The following SHPRH variants were observed in gnomAD, a reference collection of about 807,000 sequenced individuals.
SHPRH encodes the protein E3 ubiquitin-protein ligase SHPRH.
A neutral mutation model predicts 202.5 loss-of-function variants in SHPRH; 106 were observed. The observed-to-expected ratio is 0.52, with a 90% confidence interval of 0.45 to 0.62. SHPRH has a LOEUF of 0.62. Ranked by LOEUF, SHPRH falls within the 20% of genes least tolerant of loss-of-function variation. The pLI is 0.00. For missense variants in SHPRH, 1,710 were observed against 2,020.0 expected (o/e 0.85, Z 2.94); for synonymous variants, 729 against 686.0 (o/e 1.06, Z -0.98).
At chr6:145,892,033 C>T (rs1781610834) in intron 28 of SHPRH, among the ~76,000 whole-genome samples, 2 of 152,116 alleles carry the variant, frequency 1.3e-5, no homozygotes, top group Admixed American at 6.6e-5. Flanking sequence ...GTTTAATAAA[C>T]ATGTCTCTTT....
chr6:145,950,543 T>G, intron 3 of SHPRH, 61 bp from the exon 4 acceptor site: 1 of 1,505,334 alleles, frequency 6.6e-7, no homozygotes. Flanking sequence ...TATAAGCAAT[T>G]CTTATTCTAA....
chr6:145,870,814 G>C lies in SHPRH; in HGVS notation c.222-6323C>G, dbSNP rs1231187698. The C allele has an allele frequency of 2.9e-4, 44 of 152,164 alleles. 1 individual carries two copies. The highest frequency in any genetic ancestry group is 2.9e-3 in the Admixed American group (44 of 15,278). 9.4% of individuals were successfully genotyped at this position (152,164 alleles called of 1,614,324 possible). ...TTGTAGATATCCTTTATCAGGTTGA[G>C]GAAGTTCCTCTTTATTTGTAATTTA... On this transcript the variant is annotated intron_variant, in intron 2 of 2. Transcript: ENST00000417762.
Position 145,885,176 on chromosome 6 carries a change from A to T in SHPRH, c.*1515T>A, listed in dbSNP as rs1780890201. On this transcript the variant is annotated 3_prime_UTR_variant, in exon 30 of 30. Coordinates refer to ENST00000275233, the MANE Select transcript of SHPRH (RefSeq NM_001042683.3). ...GTTCTCTACCTTTAAAACAGTAAAGATATTAATTATATCAACTTCACAAGA... is the reference window on the plus strand; with the variant it reads ...GTTCTCTACCTTTAAAACAGTAAAGTTATTAATTATATCAACTTCACAAGA... The T allele has an allele frequency of 6.6e-6, 1 of 152,222 alleles. No homozygotes were observed. The highest frequency in any genetic ancestry group is 1.5e-5 in the Non-Finnish European group (1 of 68,028). 9.4% of individuals were successfully genotyped at this position (152,222 alleles called of 1,614,324 possible).
At chr6:145,894,839 G>GA (rs777042834) in intron 26 of SHPRH, 46 bp downstream of exon 26, 2 of 1,565,650 alleles carry the variant, frequency 1.3e-6, no homozygotes, top group Non-Finnish European at 8.8e-7. Context: ...ATTAGAGAGG[G>GA]AAAATCAGTT....
At chr6:145,946,403 T>C (rs771994522) in intron 6 of SHPRH, 62 bp from the exon 7 acceptor site, 3 of 1,321,058 alleles carry the variant, frequency 2.3e-6, no homozygotes, top group African/African-American at 3.0e-5. Flanking sequence ...GAATTGCTTA[T>C]TGAAATTAAC....
Position 145,947,547 on chromosome 6 carries a change from C to T in SHPRH, c.1158G>A (p.Leu386=), listed in dbSNP as rs1787522509. The T allele has an allele frequency of 6.2e-7, 1 of 1,612,878 alleles. No individual in the cohort carries two copies. The highest frequency in any genetic ancestry group is 8.5e-7 in the Non-Finnish European group (1 of 1,179,334). The change falls in exon 6 of 30, where the codon CTG becomes CTA. Residue 386 remains leucine, a synonymous_variant. Coordinates refer to ENST00000275233, the MANE Select transcript of SHPRH (RefSeq NM_001042683.3). ...GLGKTVEVLA[L]ILTHTRQDVK... The stretch of plus-strand genomic sequence containing the variant: ...CATCTTGTCGAGTATGTGTCAGAAT[C>T]AGAGCCAAAACCTCCACTGTCTTTC...
At chr6:145,891,520 C>T (rs1264572510) in intron 28 of SHPRH, among the ~76,000 whole-genome samples, 1 of 152,084 alleles carries the variant, frequency 6.6e-6, no homozygotes, top group Non-Finnish European at 1.5e-5. Context: ...GTCTACCAAC[C>T]CCATTACAGC....
chr6:145,869,207 T>C, intron 2 of SHPRH, among the ~76,000 whole-genome samples: 1 of 152,216 alleles, frequency 6.6e-6, no homozygotes, highest in South Asian at 2.1e-4. Context: ...TATTTTCTTA[T>C]TGTTGAGCTT....
chr6:145,913,542 TCTTGAG>T lies in SHPRH; in HGVS notation c.4256_4261del (p.Ser1419_Asp1421delinsTyr). 6.2e-7 allele frequency: 1 copy of T among 1,606,996 alleles called. No individual in the cohort carries two copies. ...TGGATTAACACCTCCCGATGTTTTA[TCTTGAG>T]ACTATCCAAAAAAGAATTAAAAAAT... On this transcript the variant is annotated inframe_deletion and splice_region_variant, in exon 24 of 30. Coordinates refer to ENST00000275233, the MANE Select transcript of SHPRH (RefSeq NM_001042683.3).
rs760189924 is a variant in SHPRH at position 145,916,231 on chromosome 6, CCTTT to C, written c.4254+1896_4254+1899del. Among the ~76,000 whole-genome samples, 7 of 152,174 alleles carry C rather than the reference CCTTT, an allele frequency of 4.6e-5. No individual in the cohort carries two copies. In the East Asian group the frequency reaches 1.4e-3, roughly 29 times the overall value. ...TCTTATGTTGTCCAGTTTTCCTTTT[CCTTT>C]CTTTCACATACAGGTTGAGCATTCC... On this transcript the variant is annotated intron_variant, in intron 23 of 29. Coordinates refer to ENST00000275233, the MANE Select transcript of SHPRH (RefSeq NM_001042683.3).
At position 145,893,392 on chromosome 6, in the gene SHPRH, T is replaced by C. The variant is rs775455809; in HGVS notation, c.4697A>G (p.Glu1566Gly). ...ATCACGTTTAAATGCTGAAAGGTTC[T>C]CCTAAAAAAGAAAGGTACATTTTAA... is the stretch of plus-strand genomic sequence containing the variant. ...AQISRVKTFQ[E>G]NLSAFKRDPQ... The change falls in exon 28 of 30, where the codon GAG becomes GGG. Residue 1566 changes from glutamate (E) to glycine (G), a missense_variant and splice_region_variant. Transcript: ENST00000275233. 6.3e-7 allele frequency: 1 copy of C among 1,579,692 alleles called. No individual in the cohort carries two copies. The highest frequency in any genetic ancestry group is 1.2e-5 in the South Asian group (1 of 85,432).
downstream of SHPRH, chr6:145,883,293 A>G (rs1188121878): frequency 2.0e-5 from 3 of 152,252 alleles, no homozygotes; most frequent in Non-Finnish European, 4.4e-5. Context: ...CTGACATTAA[A>G]TGATGAAGAT....
At chr6:145,934,841 C>A (rs953115579) in intron 13 of SHPRH, 66 bp downstream of exon 13, 34 of 1,453,378 alleles carry the variant, frequency 2.3e-5, no homozygotes, top group Non-Finnish European at 3.1e-5. Context: ...TGAATGAAAC[C>A]GTGGGCCTGA....
intron 23 of SHPRH, among the ~76,000 whole-genome samples, chr6:145,914,608 T>C (rs1783788746): frequency 6.6e-6 from 1 of 152,158 alleles, no homozygotes; most frequent in African/African-American, 2.4e-5. Context: ...TGCATGGTAA[T>C]TTGCAGATCC....
intron 1 of SHPRH, among the ~76,000 whole-genome samples, chr6:145,963,363 T>C (rs1182206900): frequency 6.6e-6 from 1 of 152,200 alleles, no homozygotes; most frequent in Non-Finnish European, 1.5e-5. Flanking sequence ...TTCCTTAAGT[T>C]CCTTAAGTAC....
chr6:145,874,607 CAT>C (rs147397070), intron 2 of SHPRH, among the ~76,000 whole-genome samples: 4,982 of 152,254 alleles, frequency 0.033, 180 homozygotes, highest in East Asian at 0.17. Flanking sequence ...TCCATCACCT[CAT>C]AGTTATCCAT....
At chr6:145,947,783 T>G in intron 5 of SHPRH, 140 bp from the exon 6 acceptor site, 1 of 1,122,748 alleles carries the variant, frequency 8.9e-7, no homozygotes, top group Non-Finnish European at 1.2e-6. Flanking sequence ...GCAAAACAAT[T>G]CAAACCTTAG....
intron 28 of SHPRH, among the ~76,000 whole-genome samples, 161 bp from the exon 29 acceptor site, chr6:145,888,261 C>T (rs1781268342): frequency 6.6e-6 from 1 of 152,114 alleles, no homozygotes; most frequent in Non-Finnish European, 1.5e-5. Flanking sequence ...ATTTAATCTC[C>T]ATGAGCTGAC....
intron 2 of SHPRH, among the ~76,000 whole-genome samples, chr6:145,874,230 T>TAAC (rs1333984492): frequency 6.7e-6 from 1 of 150,324 alleles, no homozygotes; most frequent in Non-Finnish European, 1.5e-5. Flanking sequence ...ATAATAATAA[T>TAAC]AATAATAATG....
Sources: gnomAD v4.1 joint callset for allele counts (sites outside exome capture counted in the v4.1 genomes callset) on GRCh38, gnomAD v4.1.1 for gene constraint, MANE v1.5 for transcripts, NCBI Gene and HGNC (gene_info 2026-07-23, HGNC 2026-07-21) for gene names.